The following LRRC8D variants were observed in gnomAD, a reference collection of about 807,000 sequenced individuals.
The protein encoded by LRRC8D is leucine rich repeat containing 8 VRAC subunit D, also known as volume-regulated anion channel subunit LRRC8D.
In LRRC8D, 20 loss-of-function variants were observed where a neutral mutation model predicts 55.8. That is an observed-to-expected ratio of 0.36 (90% CI 0.25 to 0.52). The LOEUF is 0.52. Ranked by LOEUF, LRRC8D falls within the 20% of genes least tolerant of loss-of-function variation. The probability of loss-of-function intolerance (pLI) is 0.93; values close to 1 mark genes in which losing one functional copy is unlikely to be tolerated. For missense variants in LRRC8D, 651 were observed against 1,030.8 expected, an observed-to-expected ratio of 0.63 and a Z score of 5.05; for synonymous variants, 352 against 377.0, an observed-to-expected ratio of 0.93 and a Z score of 0.77.
intron 1 of LRRC8D, among the ~76,000 whole-genome samples, chr1:89,828,059 G>T (rs576623749): frequency 6.6e-6 from 1 of 152,198 alleles, no homozygotes; most frequent in Non-Finnish European, 1.5e-5. Context: ...CTAATGTGCA[G>T]CTCAGCTCAG....
intron 2 of LRRC8D, among the ~76,000 whole-genome samples, chr1:89,880,746 T>C (rs1464192921): frequency 6.6e-6 from 1 of 152,190 alleles, no homozygotes; most frequent in East Asian, 1.9e-4. Flanking sequence ...TCTTCTTGCA[T>C]GGACTGTTGT....
In LRRC8D at chr1:89,915,082, G is replaced by A. The variant is rs552183817; in HGVS notation, c.-2-17985G>A. Among the ~76,000 whole-genome samples the A allele has an allele frequency of 7.2e-5, 11 of 151,778 alleles. 2 individuals are homozygous for A. The South Asian group carries it at 2.3e-3, about 32-fold the overall frequency. On this transcript the variant is annotated intron_variant, in intron 2 of 2. Transcript: ENST00000337338. ...ATGTGTGTGGTGTGTTCAGCACCTA[G>A]CACATTACCTAAGCTAAACATTTGA... is the stretch of plus-strand genomic sequence containing the variant.
At chr1:89,880,070 TTATC>T (rs1270251995) in intron 2 of LRRC8D, among the ~76,000 whole-genome samples, 1 of 151,806 alleles carries the variant, frequency 6.6e-6, no homozygotes, top group Non-Finnish European at 1.5e-5. Context: ...TGTGAGACAT[TTATC>T]TATGTGCTTT....
At chr1:89,860,748 CTCTA>C (rs1204002152) in intron 2 of LRRC8D, among the ~76,000 whole-genome samples, 1 of 47,994 alleles carries the variant, frequency 2.1e-5, no homozygotes, top group African/African-American at 1.1e-4. Context: ...CAGAGCAAGA[CTCTA>C]TCTCAAAAAA....
In LRRC8D at chr1:89,909,632, C is replaced by T. The variant is rs186283805; in HGVS notation, c.-2-23435C>T. Among the ~76,000 whole-genome samples, 717 of 151,894 alleles carry T rather than the reference C, an allele frequency of 4.7e-3. 13 individuals carry two copies. Among genetic ancestry groups the T allele is most frequent in the East Asian group, 0.036 (188 of 5,154 alleles). On this transcript the variant is annotated intron_variant, in intron 2 of 2. Transcript: ENST00000337338. ...CTGTAATCCCAGCACTTTGGGAGGCCGAGGCGGGCGGATCATGAGGTCAGG... is the reference window on the plus strand; with the variant it reads ...CTGTAATCCCAGCACTTTGGGAGGCTGAGGCGGGCGGATCATGAGGTCAGG...
intron 2 of LRRC8D, among the ~76,000 whole-genome samples, chr1:89,902,274 G>A (rs1662878133): frequency 6.6e-6 from 1 of 152,238 alleles, no homozygotes; most frequent in African/African-American, 2.4e-5. Context: ...TTAACAAAGT[G>A]TGCATATCTG....
intron 2 of LRRC8D, among the ~76,000 whole-genome samples, chr1:89,874,441 ATTTGTGTGTGTGTGTG>A (rs1199443488): frequency 9.5e-6 from 1 of 105,774 alleles, no homozygotes; most frequent in Admixed American, 1.1e-4. Context: ...GTAAGAAACT[ATTTGTGTGTGTGTGTG>A]TGTGTGTGTG....
chr1:89,923,585 C>G (rs1479046803), intron 2 of LRRC8D, among the ~76,000 whole-genome samples: 1 of 152,158 alleles, frequency 6.6e-6, no homozygotes, highest in Non-Finnish European at 1.5e-5. Flanking sequence ...AAAAACGATT[C>G]TAAAATTCAT....
At chr1:89,918,080 A>G (rs1663318056) in intron 2 of LRRC8D, among the ~76,000 whole-genome samples, 1 of 152,242 alleles carries the variant, frequency 6.6e-6, no homozygotes, top group East Asian at 1.9e-4. Context: ...TGAGCAAATG[A>G]ATAATTAGAA....
chr1:89,929,954 A>T (rs1168736144), intron 2 of LRRC8D: 1 of 152,240 alleles, frequency 6.6e-6, no homozygotes, highest in East Asian at 1.9e-4. Flanking sequence ...AGATTCTCAT[A>T]GTAGCATGAA....
intron 2 of LRRC8D, among the ~76,000 whole-genome samples, chr1:89,896,861 C>CA (rs915149208): frequency 6.6e-6 from 1 of 151,896 alleles, no homozygotes. Context: ...CACATATTCT[C>CA]AAAAAAAATT....
At chr1:89,843,569 C>A in intron 1 of LRRC8D, 69 bp from the exon 2 acceptor site, 1 of 696,042 alleles carries the variant, frequency 1.4e-6, no homozygotes, top group Non-Finnish European at 2.6e-6. Context: ...CGCCGCCCTG[C>A]ACTCCTTCCT....
chr1:89,860,610 T>G (rs77614811), intron 2 of LRRC8D, among the ~76,000 whole-genome samples: 15,657 of 150,226 alleles, frequency 0.1, 1,043 homozygotes, highest in South Asian at 0.16. Context: ...ATAAAAAAAT[T>G]AGCTGAGCGT....
Position 89,917,734 on chromosome 1 carries a change from A to G in LRRC8D, c.-2-15333A>G, listed in dbSNP as rs78935349. ...GAAGGTCCAAGCTTCCTGGGATCTG[A>G]AATTTTTGTAATTTGAGGGGCTGTC... On this transcript the variant is annotated intron_variant, in intron 2 of 2. Coordinates refer to ENST00000337338, the MANE Select transcript of LRRC8D (RefSeq NM_001134479.2). 6.2e-3 allele frequency among the ~76,000 whole-genome samples: 939 copies of G among 152,270 alleles called. 14 individuals are homozygous for G. Among genetic ancestry groups the G allele is most frequent in the East Asian group, 0.037 (190 of 5,176 alleles).
chr1:89,841,927 C>T (rs570661829), intron 1 of LRRC8D, among the ~76,000 whole-genome samples: 1 of 152,104 alleles, frequency 6.6e-6, no homozygotes, highest in Non-Finnish European at 1.5e-5. Flanking sequence ...AATTCATGAT[C>T]ATTGGCCAGG....
chr1:89,864,544 G>C (rs1334024153), intron 2 of LRRC8D, among the ~76,000 whole-genome samples: 2 of 151,966 alleles, frequency 1.3e-5, no homozygotes, highest in African/African-American at 4.8e-5. Flanking sequence ...TGTGCTGTGG[G>C]CTGCTGCAGT....
rs988799678 is a variant in LRRC8D, at chr1:89,843,763, A to G, written c.-22A>G. On this transcript the variant is annotated 5_prime_UTR_variant, in exon 2 of 3. Coordinates refer to ENST00000337338, the MANE Select transcript of LRRC8D (RefSeq NM_001134479.2). ...TCCCCAGAGAGCGCCCTGAGAGAAC[A>G]GGGTGGCCGCTTGGTCCAGGTGCGC... 1.4e-6 allele frequency: 1 copy of G among 692,862 alleles called. No homozygotes were observed. The allele number at this position is 692,862 out of a possible 1,614,324, so 42.9% of individuals were successfully genotyped here. A position where few individuals can be genotyped will look rare whatever the true frequency, so the allele number is the denominator to read the frequency against.
intron 1 of LRRC8D, among the ~76,000 whole-genome samples, chr1:89,826,427 G>A (rs1388506620): frequency 6.6e-6 from 1 of 152,076 alleles, no homozygotes; most frequent in African/African-American, 2.4e-5. Context: ...ACTGCACACA[G>A]CTAATTTTTT....
chr1:89,825,100 C>T (rs771950853), intron 1 of LRRC8D, among the ~76,000 whole-genome samples: 1 of 152,054 alleles, frequency 6.6e-6, no homozygotes, highest in African/African-American at 2.4e-5. Context: ...GTCTTCTAGC[C>T]TTTGACATTT....
Sources: gnomAD v4.1 joint callset for allele counts (sites outside exome capture counted in the v4.1 genomes callset) on GRCh38, gnomAD v4.1.1 for gene constraint, MANE v1.5 for transcripts, NCBI Gene and HGNC (gene_info 2026-07-23, HGNC 2026-07-21) for gene names.